The following C3orf22 variants were observed in gnomAD, a reference collection of about 807,000 sequenced individuals.
C3orf22 encodes chromosome 3 open reading frame 22.
A neutral mutation model predicts 10.8 loss-of-function variants in C3orf22; 7 were observed. That is an observed-to-expected ratio of 0.65 (90% confidence interval 0.37 to 1.22). The LOEUF (loss-of-function observed/expected upper bound fraction) is 1.22, where lower values mean the gene tolerates loss of function less well. Ranked by LOEUF, C3orf22 falls within the 50% of genes most tolerant of loss-of-function variation. The probability of loss-of-function intolerance (pLI) is 0.02; values close to 1 mark genes in which losing one functional copy is unlikely to be tolerated. For missense variants in C3orf22, 173 were observed against 177.0 expected (o/e 0.98, Z 0.13); for synonymous variants, 79 against 78.9 (o/e 1.00, Z 0.00).
At chr3:126,545,710 G>A (rs1937056285), downstream of C3orf22, among the ~76,000 whole-genome samples, 1 of 152,216 alleles carries the variant, frequency 6.6e-6, no homozygotes, top group Non-Finnish European at 1.5e-5. Context: ...AGGGGTCAGT[G>A]GGCCCAGATC....
chr3:126,539,701 A>G (rs1162491989), intron 4 of C3orf22, among the ~76,000 whole-genome samples: 1 of 106,890 alleles, frequency 9.4e-6, no homozygotes, highest in East Asian at 3.0e-4. Flanking sequence ...CACACACACC[A>G]CACACATATG....
At chr3:126,536,366 AC>A (rs1560140491) in intron 4 of C3orf22, 2 of 1,606,434 alleles carry the variant, frequency 1.2e-6, no homozygotes, top group East Asian at 4.5e-5. Flanking sequence ...AGGTGGACAG[AC>A]CCTCGACCCA....
intron 3 of C3orf22, 105 bp downstream of exon 3, chr3:126,551,892 G>T: frequency 2.3e-6 from 3 of 1,289,748 alleles, no homozygotes; most frequent in Non-Finnish European, 3.2e-6. Flanking sequence ...AAAGTGGCGC[G>T]TGCTGGGAGG....
chr3:126,542,265 G>C (rs769798290), intron 4 of C3orf22: 6 of 1,556,288 alleles, frequency 3.9e-6, no homozygotes, highest in Non-Finnish European at 5.2e-6. Flanking sequence ...CCGCGCACGC[G>C]GCGTGAGGAG....
At chr3:126,557,477 A>T (rs1937377029) in intron 1 of C3orf22, among the ~76,000 whole-genome samples, 1 of 152,160 alleles carries the variant, frequency 6.6e-6, no homozygotes, top group Admixed American at 6.5e-5. Flanking sequence ...GTGATCCCAT[A>T]ATGTGCCATG....
chr3:126,541,819 C>T, intron 4 of C3orf22: 1 of 1,563,610 alleles, frequency 6.4e-7, no homozygotes, highest in East Asian at 2.4e-5. Flanking sequence ...GCCGGCAGCG[C>T]CTGCTACAGC....
intron 4 of C3orf22, among the ~76,000 whole-genome samples, chr3:126,531,846 T>A (rs890256458): frequency 6.6e-6 from 1 of 152,242 alleles, no homozygotes; most frequent in Non-Finnish European, 1.5e-5. Context: ...CTGGGTTGCA[T>A]GGTAATTCTA....
chr3:126,548,594 G>T (rs1238448685), downstream of C3orf22, among the ~76,000 whole-genome samples: 3 of 152,222 alleles, frequency 2.0e-5, no homozygotes, highest in Admixed American at 6.5e-5. Flanking sequence ...GCAGGTCTGT[G>T]GGTGCTGCTG....
intron 1 of C3orf22, among the ~76,000 whole-genome samples, chr3:126,558,302 G>C (rs1162197850): frequency 6.6e-6 from 1 of 152,212 alleles, no homozygotes; most frequent in Non-Finnish European, 1.5e-5. Context: ...TGGGTGGCCT[G>C]TGCTCCTCCT....
intron 4 of C3orf22, among the ~76,000 whole-genome samples, chr3:126,539,868 CACACACACACACAAACACACACCACACA>C (rs1936908991): frequency 2.3e-3 from 1 of 432 alleles, no homozygotes; most frequent in African/African-American, 0.012. Flanking sequence ...CACCCCACAC[CACACACACACACAAACACACACCACACA>C]TACACCATAC....
chr3:126,551,917 T>A, intron 3 of C3orf22, 80 bp downstream of exon 3: 1 of 1,478,768 alleles, frequency 6.8e-7, no homozygotes, highest in Admixed American at 2.2e-5. Flanking sequence ...CATGAACGTC[T>A]GCATGCAAAA....
chr3:126,538,510 G>C (rs888082630), intron 4 of C3orf22, among the ~76,000 whole-genome samples: 2 of 152,250 alleles, frequency 1.3e-5, no homozygotes, highest in Admixed American at 1.3e-4. Flanking sequence ...CGAAGCTGAA[G>C]ATATGGCTCC....
intron 1 of C3orf22, 66 bp from the exon 2 acceptor site, chr3:126,553,496 T>G: frequency 3.6e-5 from 37 of 1,023,790 alleles, no homozygotes; most frequent in Non-Finnish European, 4.4e-5. Context: ...GAGTGATGAG[T>G]ACCCAGCAGG....
chr3:126,552,737 C>T (rs1395876631), intron 2 of C3orf22, among the ~76,000 whole-genome samples: 2 of 152,200 alleles, frequency 1.3e-5, no homozygotes, highest in East Asian at 1.9e-4. Context: ...GAGTGGGAAG[C>T]TTGAGGTTGC....
chr3:126,552,207 C>T, intron 2 of C3orf22, 85 bp from the exon 3 acceptor site: 2 of 1,594,226 alleles, frequency 1.3e-6, no homozygotes, highest in Non-Finnish European at 1.7e-6. Context: ...TTTCCATCTG[C>T]TAGGCACTGT....
At chr3:126,542,260 C>T in intron 4 of C3orf22, 3 of 1,551,694 alleles carry the variant, frequency 1.9e-6, no homozygotes, top group Non-Finnish European at 2.6e-6. Flanking sequence ...TGGACCCGCG[C>T]ACGCGGCGTG....
chr3:126,554,280 T>G (rs1370154426), intron 1 of C3orf22, among the ~76,000 whole-genome samples: 1 of 93,814 alleles, frequency 1.1e-5, no homozygotes, highest in Non-Finnish European at 2.2e-5. Flanking sequence ...TTTTTTTTTT[T>G]TGAGACGAAG....
chr3:126,556,626 CCTCA>C (rs1387696019), intron 1 of C3orf22, among the ~76,000 whole-genome samples: 2 of 150,560 alleles, frequency 1.3e-5, no homozygotes, highest in Non-Finnish European at 3.0e-5. Flanking sequence ...TCCCACCTCG[CCTCA>C]CTGACTGCCG....
chr3:126,535,595 G>A (rs1936772359), intron 4 of C3orf22, among the ~76,000 whole-genome samples: 1 of 127,712 alleles, frequency 7.8e-6, no homozygotes, highest in East Asian at 2.4e-4. Flanking sequence ...CCTCAGTCGG[G>A]AGACAGCCGG....
Sources: gnomAD v4.1 joint callset for allele counts (sites outside exome capture counted in the v4.1 genomes callset) on GRCh38, gnomAD v4.1.1 for gene constraint, MANE v1.5 for transcripts, NCBI Gene and HGNC (gene_info 2026-07-23, HGNC 2026-07-21) for gene names.